Variants in KLHL1 observed in about 807,000 individuals in gnomAD.
KLHL1 encodes kelch like family member 1.
A neutral mutation model predicts 77.7 loss-of-function variants in KLHL1; 47 were observed. That is an observed-to-expected ratio of 0.60 (90% CI 0.48 to 0.77). The LOEUF is 0.77. KLHL1 is among the 30% of genes least tolerant of loss of function. The pLI, the probability that KLHL1 is intolerant of heterozygous loss-of-function variation, is 0.00. For synonymous variants in KLHL1, 360 were observed against 325.2 expected, an observed-to-expected ratio of 1.11 and a Z score of -1.15; for missense variants, 925 against 910.8, an observed-to-expected ratio of 1.02 and a Z score of -0.20.
chr13:69,764,953 T>C (rs1392751529), intron 7 of KLHL1, among the ~76,000 whole-genome samples: 1 of 91,502 alleles, frequency 1.1e-5, no homozygotes, highest in Non-Finnish European at 2.3e-5. Flanking sequence ...TTTTTTTTTT[T>C]TTTTTTTTTT....
intron 3 of KLHL1, among the ~76,000 whole-genome samples, chr13:69,944,978 C>CTTTTTTTT (rs750774784): frequency 3.8e-5 from 3 of 79,862 alleles, no homozygotes; most frequent in Non-Finnish European, 7.0e-5. Context: ...TATAAAACTT[C>CTTTTTTTT]TTTTTTTTTT....
Position 69,917,521 on chromosome 13 carries a change from C to G in KLHL1, c.1014+22519G>C, listed in dbSNP as rs375152771. Among the ~76,000 whole-genome samples, 39 of 152,196 alleles carry G rather than the reference C, an allele frequency of 2.6e-4. No homozygotes were observed. In the East Asian group the frequency reaches 6.4e-3, roughly 25 times the overall value. On this transcript the variant is annotated intron_variant, in intron 4 of 10. Coordinates refer to ENST00000377844, the MANE Select transcript of KLHL1 (RefSeq NM_020866.3). ...AAATACCATTACTCAGTAACAGGAA[C>G]AAGAAACCCTTGGAGGAATGGTTGA...
chr13:69,908,968 T>C (rs1167274169), intron 4 of KLHL1, among the ~76,000 whole-genome samples: 1 of 149,802 alleles, frequency 6.7e-6, no homozygotes, highest in Non-Finnish European at 1.5e-5. Context: ...ACTAATTTAA[T>C]ATTACTTATA....
At chr13:69,822,197 CAAAAAAA>C (rs35346749) in intron 6 of KLHL1, among the ~76,000 whole-genome samples, 5 of 78,396 alleles carry the variant, frequency 6.4e-5, no homozygotes, top group African/African-American at 2.3e-4. Flanking sequence ...GACTCCATCT[CAAAAAAA>C]AAAAAAAAAA....
At position 70,065,884 on chromosome 13, in the gene KLHL1, G is replaced by GAA. The variant is rs111289446; in HGVS notation, c.497+41317_497+41318dup. On this transcript the variant is annotated intron_variant, in intron 1 of 10. Transcript: ENST00000377844. ...TTCATTACTTCATCAAAACCAAGAT[G>GAA]AAAAAAAAAAACTATTTAAAAGACA... 7.1e-5 allele frequency among the ~76,000 whole-genome samples: 10 copies of GAA among 141,382 alleles called. No homozygotes were observed. The East Asian group carries it at 8.1e-4, about 11-fold the overall frequency. 92.8% of individuals were successfully genotyped at this position (141,382 alleles called of 152,430 possible). A position where few individuals can be genotyped will look rare whatever the true frequency, so the allele number is the denominator to read the frequency against.
chr13:69,776,814 AT>A (rs1015900995), intron 7 of KLHL1, among the ~76,000 whole-genome samples: 11 of 152,254 alleles, frequency 7.2e-5, no homozygotes, highest in African/African-American at 2.4e-4. Flanking sequence ...TTAAATTAAT[AT>A]TTTTTTCTCT....
At chr13:70,033,916 T>A (rs1886179529) in intron 1 of KLHL1, among the ~76,000 whole-genome samples, 1 of 152,090 alleles carries the variant, frequency 6.6e-6, no homozygotes, top group South Asian at 2.1e-4. Context: ...TGGCCTCTAA[T>A]AAATTATTGA....
At chr13:69,712,773 G>T (rs562348211) in intron 9 of KLHL1, among the ~76,000 whole-genome samples, 14,288 of 96,094 alleles carry the variant, frequency 0.15, 1,072 homozygotes, top group African/African-American at 0.34. Flanking sequence ...TTTTTTTTTT[G>T]GGGGGGGGGT....
chr13:69,828,981 A>G (rs891236406), intron 6 of KLHL1, among the ~76,000 whole-genome samples: 1 of 150,244 alleles, frequency 6.7e-6, no homozygotes, highest in African/African-American at 2.5e-5. Context: ...TGGTAGTCAA[A>G]ATGAAAGACG....
At chr13:69,793,081 A>G (rs1876940398) in intron 7 of KLHL1, among the ~76,000 whole-genome samples, 1 of 152,088 alleles carries the variant, frequency 6.6e-6, no homozygotes, top group Non-Finnish European at 1.5e-5. Flanking sequence ...AACCCCTACC[A>G]TATATTTAAT....
chr13:69,842,429 G>A (rs1879302907), intron 5 of KLHL1, among the ~76,000 whole-genome samples: 1 of 151,674 alleles, frequency 6.6e-6, no homozygotes, highest in Non-Finnish European at 1.5e-5. Context: ...GGCCCAACAG[G>A]TATATGCTAA....
chr13:69,731,326 T>C (rs1873534534), intron 8 of KLHL1, among the ~76,000 whole-genome samples: 1 of 152,152 alleles, frequency 6.6e-6, no homozygotes. Flanking sequence ...AATTTGCAGA[T>C]AGGACTGAAA....
intron 1 of KLHL1, among the ~76,000 whole-genome samples, chr13:70,055,286 G>A (rs1334033134): frequency 6.6e-6 from 1 of 152,040 alleles, no homozygotes; most frequent in Non-Finnish European, 1.5e-5. Flanking sequence ...TATTTGATGT[G>A]CTGAAGGAAA....
At chr13:69,966,641 C>T (rs1884219503) in intron 2 of KLHL1, among the ~76,000 whole-genome samples, 1 of 152,012 alleles carries the variant, frequency 6.6e-6, no homozygotes, top group East Asian at 1.9e-4. Flanking sequence ...TTTTTGCATA[C>T]ACGTGCAATT....
intron 10 of KLHL1, among the ~76,000 whole-genome samples, chr13:69,706,526 G>A (rs1002071325): frequency 6.6e-6 from 1 of 151,892 alleles, no homozygotes; most frequent in Non-Finnish European, 1.5e-5. Flanking sequence ...AAGTTCTTTA[G>A]ATAAATTGTA....
chr13:69,925,975 C>A (rs2138272456), intron 4 of KLHL1, among the ~76,000 whole-genome samples: 1 of 152,316 alleles, frequency 6.6e-6, no homozygotes, highest in East Asian at 1.9e-4. Flanking sequence ...CAACAATAAT[C>A]AAATACAATA....
chr13:69,988,475 T>C (rs1222044278), intron 1 of KLHL1, among the ~76,000 whole-genome samples: 6 of 152,120 alleles, frequency 3.9e-5, no homozygotes, highest in African/African-American at 1.2e-4. Flanking sequence ...TTTGGGTATA[T>C]ACTCAGTAGT....
intron 1 of KLHL1, among the ~76,000 whole-genome samples, chr13:70,045,620 A>T (rs182548519): frequency 6.6e-6 from 1 of 152,288 alleles, no homozygotes; most frequent in Admixed American, 6.5e-5. Context: ...ACTTCTAAAG[A>T]TGACTGGTAG....
chr13:69,748,421 G>A lies in KLHL1; in HGVS notation c.1640-7865C>T, dbSNP rs185509928. Among the ~76,000 whole-genome samples the A allele has an allele frequency of 4.8e-3, 730 of 152,040 alleles. 4 individuals are homozygous for A. The highest frequency in any genetic ancestry group is 6.8e-3 in the Middle Eastern group (2 of 294). On this transcript the variant is annotated intron_variant, in intron 7 of 10. Transcript: ENST00000377844. Reference sequence around the variant, plus strand: ...GAGAAAATTAGGAAAATGCAAAAGCGGAATCCCCTGATAAAACCATCAGAT... The same window carrying A: ...GAGAAAATTAGGAAAATGCAAAAGCAGAATCCCCTGATAAAACCATCAGAT...
Sources: allele counts gnomAD v4.1 joint callset (sites outside exome capture counted in the v4.1 genomes callset), GRCh38; gene constraint gnomAD v4.1.1; transcripts MANE v1.5; gene names NCBI Gene and HGNC (gene_info 2026-07-23, HGNC 2026-07-21).